Variants in ZFYVE9 observed in about 807,000 individuals in gnomAD.
The protein encoded by ZFYVE9 is zinc finger FYVE domain-containing protein 9.
ZFYVE9 carries 43 observed loss-of-function variants against 126.7 expected under a neutral mutation model. The ratio of observed to expected loss-of-function variants is 0.34; its 90% confidence interval spans 0.27 to 0.44. The LOEUF is 0.44. Ranked by LOEUF, ZFYVE9 falls within the 20% of genes least tolerant of loss-of-function variation. The probability of loss-of-function intolerance (pLI) is 1.00; values close to 1 mark genes in which losing one functional copy is unlikely to be tolerated. For missense variants in ZFYVE9, 1,476 were observed against 1,697.0 expected, an observed-to-expected ratio of 0.87 and a Z score of 2.29; for synonymous variants, 521 against 597.4, an observed-to-expected ratio of 0.87 and a Z score of 1.87.
intron 4 of ZFYVE9, among the ~76,000 whole-genome samples, chr1:52,243,851 G>A (rs1645358797): frequency 1.3e-5 from 2 of 152,114 alleles, no homozygotes; most frequent in South Asian, 4.2e-4. Context: ...GGAAGCCATG[G>A]GAGTGGATGA....
Position 52,147,704 on chromosome 1 carries a change from C to G in ZFYVE9, c.-143+5301C>G, listed in dbSNP as rs910319820. On this transcript the variant is annotated intron_variant, in intron 1 of 18. Coordinates refer to ENST00000287727, the MANE Select transcript of ZFYVE9 (RefSeq NM_004799.4). Reference sequence around the variant, plus strand: ...GTGCAAATTATTGTGTGGAAATATGCTTTCATTTCTCTTGGGTATTTATAG... The same window carrying G: ...GTGCAAATTATTGTGTGGAAATATGGTTTCATTTCTCTTGGGTATTTATAG... Among the ~76,000 whole-genome samples, 3 of 152,166 alleles carry G rather than the reference C, an allele frequency of 2.0e-5. No individual in the cohort carries two copies. In the East Asian group the frequency reaches 5.8e-4, roughly 29 times the overall value.
chr1:52,204,401 A>C (rs574429526), intron 1 of ZFYVE9, among the ~76,000 whole-genome samples: 1 of 152,146 alleles, frequency 6.6e-6, no homozygotes, highest in African/African-American at 2.4e-5. Flanking sequence ...GCTTTCGTCA[A>C]ATAGTTTCTG....
intron 13 of ZFYVE9, among the ~76,000 whole-genome samples, chr1:52,311,037 T>C (rs1351230986): frequency 3.9e-5 from 6 of 152,164 alleles, no homozygotes; most frequent in African/African-American, 1.2e-4. Flanking sequence ...AGCTAATTTT[T>C]AAATTTTTTG....
chr1:52,303,089 A>G (rs1388868414), intron 12 of ZFYVE9, among the ~76,000 whole-genome samples: 3 of 152,200 alleles, frequency 2.0e-5, no homozygotes, highest in African/African-American at 7.2e-5. Flanking sequence ...CAGCTCGGGC[A>G]ACAGAGTGAG....
At chr1:52,326,799 G>A (rs775568892) in intron 13 of ZFYVE9, among the ~76,000 whole-genome samples, 3 of 151,846 alleles carry the variant, frequency 2.0e-5, no homozygotes, top group East Asian at 1.9e-4. Flanking sequence ...AACCCAGGAC[G>A]TGGAGGCTGC....
chr1:52,226,145 C>T (rs1285852806), intron 2 of ZFYVE9, among the ~76,000 whole-genome samples: 1 of 152,118 alleles, frequency 6.6e-6, no homozygotes, highest in Non-Finnish European at 1.5e-5. Flanking sequence ...TGCAAACGAA[C>T]TTTCTCCTTG....
intron 13 of ZFYVE9, among the ~76,000 whole-genome samples, chr1:52,326,365 AAG>A (rs1383476663): frequency 6.6e-6 from 1 of 152,196 alleles, no homozygotes; most frequent in African/African-American, 2.4e-5. Flanking sequence ...TGTTTGTTAA[AAG>A]AGTACTTATT....
At position 52,278,535 on chromosome 1, in the gene ZFYVE9, G is replaced by GCAGTTGGA; in HGVS notation, c.2791_2798dup (p.Glu933AspfsTer15). 6.2e-7 allele frequency: 1 copy of GCAGTTGGA among 1,613,828 alleles called. No homozygotes were observed. Among genetic ancestry groups the GCAGTTGGA allele is most frequent in the Non-Finnish European group, 8.5e-7 (1 of 1,179,840 alleles). On this transcript the variant is annotated frameshift_variant, in exon 9 of 19. Coordinates refer to ENST00000287727, the MANE Select transcript of ZFYVE9 (RefSeq NM_004799.4). LOFTEE classifies it high-confidence loss of function. The stretch of plus-strand genomic sequence containing the variant: ...AACCATCACAGATTTCAGTAATGCA[G>GCAGTTGGA]CAGTTGGAGGATGGTGGCCCTGACC...
In ZFYVE9 at chr1:52,268,878, T is replaced by C. The variant is rs545346123; in HGVS notation, c.2625+246T>C. Among the ~76,000 whole-genome samples, 33 of 152,334 alleles carry C rather than the reference T, an allele frequency of 2.2e-4. No individual in the cohort carries two copies. In the South Asian group the frequency reaches 3.3e-3, roughly 15 times the overall value. ...TCAGATGAGCTCAGGTGCTCCACTT[T>C]AGCTAGCAGTCGGGCTGTGGGGAAT... On this transcript the variant is annotated intron_variant, in intron 7 of 18. Transcript: ENST00000287727.
intron 1 of ZFYVE9, among the ~76,000 whole-genome samples, chr1:52,209,301 T>TA (rs1385450321): frequency 6.6e-6 from 1 of 152,106 alleles, no homozygotes; most frequent in African/African-American, 2.4e-5. Context: ...GTTCAAGGCT[T>TA]AAAAAATAAT....
chr1:52,251,517 A>C (rs1645446450), intron 4 of ZFYVE9, among the ~76,000 whole-genome samples: 1 of 152,174 alleles, frequency 6.6e-6, no homozygotes, highest in Admixed American at 6.5e-5. Context: ...TGATTTTCAT[A>C]AGTTGAATTA....
chr1:52,160,595 T>C, intron 1 of ZFYVE9: 2 of 720,788 alleles, frequency 2.8e-6, no homozygotes, highest in Non-Finnish European at 5.1e-6. Flanking sequence ...TTCAAAGGAA[T>C]AGTCCATAGA....
chr1:52,324,865 T>C (rs950760218), intron 13 of ZFYVE9, among the ~76,000 whole-genome samples: 2 of 152,222 alleles, frequency 1.3e-5, no homozygotes, highest in African/African-American at 4.8e-5. Flanking sequence ...CCGGGTACAG[T>C]GGCTCACGCC....
Position 52,257,960 on chromosome 1 carries a change from C to T in ZFYVE9, c.2179-5813C>T, listed in dbSNP as rs1046165486. ...CAGGCTGGTCTCAAACTCCTGACCT[C>T]AGGTGATCCACCTGCCTTGGCCTCC... On this transcript the variant is annotated intron_variant, in intron 4 of 18. Coordinates refer to ENST00000287727, the MANE Select transcript of ZFYVE9 (RefSeq NM_004799.4). Among the ~76,000 whole-genome samples the T allele has an allele frequency of 2.6e-5, 4 of 152,278 alleles. No individual in the cohort carries two copies. The East Asian group carries it at 7.7e-4, about 29-fold the overall frequency.
intron 4 of ZFYVE9, among the ~76,000 whole-genome samples, chr1:52,242,984 T>C (rs1011942553): frequency 1.3e-5 from 2 of 152,330 alleles, no homozygotes; most frequent in East Asian, 3.9e-4. Context: ...TATCATGCAG[T>C]ATTGTCTTTG....
Position 52,238,730 on chromosome 1 carries a change from A to G in ZFYVE9, c.1313A>G (p.Gln438Arg). The G allele has an allele frequency of 6.2e-7, 1 of 1,614,122 alleles. No individual in the cohort carries two copies. The highest frequency in any genetic ancestry group is 8.5e-7 in the Non-Finnish European group (1 of 1,179,980). The part of the protein sequence containing the change: ...PEDTNGDSGG[Q>R]CVGLADAGLD... ...GACACTAATGGTGATAGTGGAGGAC[A>G]GTGTGTTGGATTGGCAGATGCAGGT... The change falls in exon 4 of 19, where the codon CAG becomes CGG. Residue 438 changes from glutamine (Q) to arginine (R), a missense_variant. Gln to Arg is a conservative substitution (Grantham distance 43, BLOSUM62 1). Transcript: ENST00000287727.
rs776703218 is a variant in ZFYVE9 at position 52,274,572 on chromosome 1, G to A, written c.2734G>A (p.Gly912Ser). 1 of 1,608,290 alleles carries A rather than the reference G, an allele frequency of 6.2e-7. No individual in the cohort carries two copies. Among genetic ancestry groups the A allele is most frequent in the South Asian group, 1.1e-5 (1 of 90,220 alleles). The change falls in exon 8 of 19, where the codon GGT becomes AGT. Residue 912 changes from glycine to serine, a missense_variant. This residue lies in a region of ZFYVE9 where 669 missense variants were observed against 902.4 expected (regional missense o/e 0.74). Transcript: ENST00000287727. Reference sequence around the variant, plus strand: ...CCTTCCTCCCATTCTCATCTCCACTGGTGTAAAAGGAGGTAAGTGGACTAC... The same window carrying A: ...CCTTCCTCCCATTCTCATCTCCACTAGTGTAAAAGGAGGTAAGTGGACTAC... ...DGLPPILIST[G>S]VKGDYAVEEK...
Position 52,259,070 on chromosome 1 carries a change from A to C in ZFYVE9, c.2179-4703A>C, listed in dbSNP as rs551664148. Among the ~76,000 whole-genome samples the C allele has an allele frequency of 2.6e-5, 4 of 152,278 alleles. No individual in the cohort carries two copies. The South Asian group carries it at 6.2e-4, about 24-fold the overall frequency. ...AATTTATTATCTCACAGTTATTAGA[A>C]GTCTGAAATTAAGGTGATAGCAGGG... On this transcript the variant is annotated intron_variant, in intron 4 of 18. Coordinates refer to ENST00000287727, the MANE Select transcript of ZFYVE9 (RefSeq NM_004799.4).
intron 16 of ZFYVE9, 102 bp from the exon 17 acceptor site, chr1:52,340,024 C>G: frequency 1.2e-6 from 1 of 866,920 alleles, no homozygotes; most frequent in Non-Finnish European, 1.9e-6. Flanking sequence ...AGCAGGGTAC[C>G]CAGTGTAATT....
Sources: gnomAD v4.1 joint callset for allele counts (sites outside exome capture counted in the v4.1 genomes callset) on GRCh38, gnomAD v4.1.1 for gene constraint, gnomAD v4.1.1 regional missense constraint, MANE v1.5 for transcripts, NCBI Gene and HGNC (gene_info 2026-07-23, HGNC 2026-07-21) for gene names.